Variants in USH2A observed in about 807,000 individuals in gnomAD.
USH2A encodes the protein Usher syndrome 2A (autosomal recessive, mild).
Under a neutral mutation model 538.9 loss-of-function variants are expected in USH2A, and 443 were observed. The ratio of observed to expected loss-of-function variants is 0.82; its 90% CI spans 0.76 to 0.89. The LOEUF is 0.89. USH2A is among the 40% of genes least tolerant of loss of function. The pLI is 0.00. For synonymous variants in USH2A, 2,413 were observed against 2,273.5 expected (o/e 1.06, Z -1.75); for missense variants, 6,633 against 6,324.8 (o/e 1.05, Z -1.65).
chr1:216,294,306 TA>T (rs1318027918), intron 9 of USH2A, among the ~76,000 whole-genome samples: 1 of 152,094 alleles, frequency 6.6e-6, no homozygotes. Flanking sequence ...TAGCAAATGA[TA>T]AGTCAAAATG....
chr1:215,766,611 G>C, intron 56 of USH2A, 70 bp downstream of exon 56: 1 of 1,371,982 alleles, frequency 7.3e-7, no homozygotes, highest in South Asian at 1.2e-5. Context: ...TTATGAAGGA[G>C]TTTACAGATT....
intron 60 of USH2A, among the ~76,000 whole-genome samples, chr1:215,729,519 A>C (rs983666180): frequency 6.6e-6 from 1 of 152,236 alleles, no homozygotes; most frequent in African/African-American, 2.4e-5. Flanking sequence ...AAAGATGAAC[A>C]CACCCCTTAC....
chr1:216,323,739 T>G (rs777639933), intron 7 of USH2A, 44 bp from the exon 8 acceptor site: 1 of 1,595,954 alleles, frequency 6.3e-7, no homozygotes. Flanking sequence ...CTATTCACAT[T>G]TTTGGCAAAA....
chr1:215,968,562 C>T (rs1353402923), intron 36 of USH2A, among the ~76,000 whole-genome samples: 2 of 152,102 alleles, frequency 1.3e-5, no homozygotes, highest in Non-Finnish European at 2.9e-5. Flanking sequence ...GAACAATTTG[C>T]AATTTGGAGG....
Position 216,409,662 on chromosome 1 carries a change from A to G in USH2A, c.651+8852T>C, listed in dbSNP as rs146891295. On this transcript the variant is annotated intron_variant, in intron 3 of 71. Transcript: ENST00000307340. The stretch of plus-strand genomic sequence containing the variant: ...CTCCCTATTCAATAAATGTTGGGAT[A>G]ACTGGCTAGCCATATGCAGAAGATT... Among the ~76,000 whole-genome samples the G allele has an allele frequency of 4.7e-3, 712 of 152,256 alleles. 6 individuals carry two copies. Among genetic ancestry groups the G allele is most frequent in the Non-Finnish European group, 4.9e-3 (331 of 67,986 alleles).
chr1:216,342,161 C>A (rs2038088477), intron 4 of USH2A, among the ~76,000 whole-genome samples: 2 of 151,832 alleles, frequency 1.3e-5, no homozygotes, highest in South Asian at 2.1e-4. Flanking sequence ...AAGAAAACAA[C>A]CCCATCAAAA....
Position 215,710,630 on chromosome 1 carries a change from C to T in USH2A, c.12066+17400G>A, listed in dbSNP as rs1199056230. On this transcript the variant is annotated intron_variant, in intron 61 of 71. Coordinates refer to ENST00000307340, the MANE Select transcript of USH2A (RefSeq NM_206933.4). The stretch of plus-strand genomic sequence containing the variant: ...TCAATTTGAGGGTTCAAAAATAAAA[C>T]TACTCCTTAGACTACAGACACTAAA... Among the ~76,000 whole-genome samples, 4 of 152,100 alleles carry T rather than the reference C, an allele frequency of 2.6e-5. No homozygotes were observed. In the East Asian group the frequency reaches 7.7e-4, roughly 29 times the overall value.
chr1:215,759,904 T>G, intron 56 of USH2A, 61 bp from the exon 57 acceptor site: 1 of 1,593,356 alleles, frequency 6.3e-7, no homozygotes, highest in Admixed American at 1.7e-5. Flanking sequence ...GTATCAAAAG[T>G]CACACCATCC....
intron 11 of USH2A, among the ~76,000 whole-genome samples, chr1:216,274,279 A>C (rs2036628030): frequency 6.6e-6 from 1 of 152,106 alleles, no homozygotes; most frequent in South Asian, 2.1e-4. Context: ...TAAACATCTG[A>C]ATATAAGTTC....
intron 32 of USH2A, among the ~76,000 whole-genome samples, chr1:216,040,728 C>T (rs1445551623): frequency 6.6e-6 from 1 of 151,930 alleles, no homozygotes; most frequent in Non-Finnish European, 1.5e-5. Context: ...TTAAGTGGCC[C>T]ACAATAGCTC....
rs531172419 is a variant in USH2A at position 215,958,502 on chromosome 1, C to T, written c.7120+6815G>A. On this transcript the variant is annotated intron_variant, in intron 37 of 71. Transcript: ENST00000307340. ...TTTTGTTTTTAGATGGGGATTTATC[C>T]CAAAGAGCAAACACTTGATACCAAT... Among the ~76,000 whole-genome samples the T allele has an allele frequency of 2.5e-3, 383 of 152,118 alleles. 3 individuals carry two copies. Among genetic ancestry groups the T allele is most frequent in the African/African-American group, 8.9e-3 (369 of 41,510 alleles).
At chr1:216,262,923 A>C (rs1366775208) in intron 11 of USH2A, among the ~76,000 whole-genome samples, 1 of 152,150 alleles carries the variant, frequency 6.6e-6, no homozygotes, top group Admixed American at 6.5e-5. Flanking sequence ...GACTCAAATA[A>C]AATCAGAAAT....
chr1:215,807,847 G>T (rs1662546283), intron 49 of USH2A, among the ~76,000 whole-genome samples: 1 of 151,998 alleles, frequency 6.6e-6, no homozygotes, highest in African/African-American at 2.4e-5. Flanking sequence ...AGGCCTGTTA[G>T]CCCTCTTTAC....
chr1:216,146,056 T>A (rs1002435704), intron 21 of USH2A, among the ~76,000 whole-genome samples: 3 of 152,218 alleles, frequency 2.0e-5, no homozygotes, highest in Admixed American at 1.3e-4. Context: ...GCATGAAATT[T>A]GGTGCTGTGA....
intron 16 of USH2A, among the ~76,000 whole-genome samples, chr1:216,207,013 A>C (rs1291035231): frequency 6.6e-6 from 1 of 152,146 alleles, no homozygotes; most frequent in Non-Finnish European, 1.5e-5. Flanking sequence ...CAGCTTCCCC[A>C]CATTCCCATC....
At chr1:216,134,030 G>A (rs2033430962) in intron 21 of USH2A, among the ~76,000 whole-genome samples, 2 of 152,024 alleles carry the variant, frequency 1.3e-5, no homozygotes, top group African/African-American at 4.8e-5. Flanking sequence ...TCTGCATTGT[G>A]TTCTGTTTGC....
At chr1:215,810,561 ATTAC>A (rs1461956506) in intron 49 of USH2A, among the ~76,000 whole-genome samples, 1 of 152,170 alleles carries the variant, frequency 6.6e-6, no homozygotes, top group Non-Finnish European at 1.5e-5. Context: ...TGAAAACACT[ATTAC>A]TTAGTTCCAT....
chr1:216,010,342 C>T (rs955447186), intron 32 of USH2A, among the ~76,000 whole-genome samples: 2 of 152,144 alleles, frequency 1.3e-5, no homozygotes, highest in Admixed American at 6.5e-5. Flanking sequence ...CCTCCTAAGC[C>T]ACGTCCCATC....
intron 14 of USH2A, among the ~76,000 whole-genome samples, chr1:216,222,650 C>T (rs2035479004): frequency 6.6e-6 from 1 of 152,150 alleles, no homozygotes; most frequent in African/African-American, 2.4e-5. Flanking sequence ...AAACACTGCT[C>T]TGCTGGCTTT....
Sources: gnomAD v4.1 joint callset for allele counts (sites outside exome capture counted in the v4.1 genomes callset) on GRCh38, gnomAD v4.1.1 for gene constraint, MANE v1.5 for transcripts, NCBI Gene and HGNC (gene_info 2026-07-23, HGNC 2026-07-21) for gene names.